Variants in RPS6KC1 observed in about 807,000 individuals in gnomAD.
The protein encoded by RPS6KC1 is inactive ribosomal protein S6 kinase delta-1.
A neutral mutation model predicts 103.8 loss-of-function variants in RPS6KC1; 54 were observed. The ratio of observed to expected loss-of-function variants is 0.52; its 90% confidence interval spans 0.42 to 0.65. The LOEUF is 0.65. RPS6KC1 is among the 30% of genes least tolerant of loss of function. The probability of loss-of-function intolerance (pLI) is 0.00; values close to 1 mark genes in which losing one functional copy is unlikely to be tolerated. For missense variants in RPS6KC1, 1,151 were observed against 1,253.8 expected, an observed-to-expected ratio of 0.92 and a Z score of 1.24; for synonymous variants, 439 against 438.7, an observed-to-expected ratio of 1.00 and a Z score of -0.01.
At chr1:213,073,057 A>G (rs1043566292) in intron 2 of RPS6KC1, 1 of 214,218 alleles carries the variant, frequency 4.7e-6, no homozygotes, top group Non-Finnish European at 8.0e-6. Flanking sequence ...AAAGTTTTCT[A>G]TTTAGTTGGC....
intron 4 of RPS6KC1, among the ~76,000 whole-genome samples, chr1:213,109,167 C>T (rs976634964): frequency 5.3e-5 from 8 of 152,132 alleles, no homozygotes; most frequent in East Asian, 1.9e-4. Context: ...GACGGGGTCT[C>T]GCTCTGTTGC....
At position 213,051,519 on chromosome 1, in the gene RPS6KC1, G is replaced by A; in HGVS notation, c.105+10G>A. ...TAAGGTCACCGCCCGGGTGAGTGCC[G>A]GTGTCGGGCTGGGGTAGAGCTTGGA... On this transcript the variant is annotated intron_variant, in intron 1 of 14. Transcript: ENST00000366960. 4 of 1,590,068 alleles carry A rather than the reference G, an allele frequency of 2.5e-6. No individual in the cohort carries two copies. The highest frequency in any genetic ancestry group is 3.4e-6 in the Non-Finnish European group (4 of 1,161,610).
At chr1:213,122,477 T>A (rs866427461) in intron 5 of RPS6KC1, among the ~76,000 whole-genome samples, 59 of 152,332 alleles carry the variant, frequency 3.9e-4, no homozygotes, top group Middle Eastern at 6.8e-3. Context: ...TAAATAGGAA[T>A]ATTTGTCACA....
the RPS6KC1 span, among the ~76,000 whole-genome samples, chr1:213,659,942 T>C: frequency 2.0e-5 from 3 of 152,204 alleles, no homozygotes; most frequent in Non-Finnish European, 4.4e-5. Flanking sequence ...AACTTATTCC[T>C]TTAAGGTCAG....
the RPS6KC1 span, among the ~76,000 whole-genome samples, chr1:213,699,586 G>C: frequency 6.6e-6 from 1 of 152,120 alleles, no homozygotes; most frequent in African/African-American, 2.4e-5. Context: ...CAGTGGGATT[G>C]CTGGATCAAA....
rs971828819 is a variant in RPS6KC1 at position 213,144,871 on chromosome 1, T to A, written c.835+14982T>A. Reference sequence around the variant, plus strand: ...GCAGGCGGATCACGAGGTCAGGAGATCGAGACCATCCTGGCCAACATGGTG... The same window carrying A: ...GCAGGCGGATCACGAGGTCAGGAGAACGAGACCATCCTGGCCAACATGGTG... On this transcript the variant is annotated intron_variant, in intron 6 of 14. Coordinates refer to ENST00000366960, the MANE Select transcript of RPS6KC1 (RefSeq NM_012424.6). Among the ~76,000 whole-genome samples the A allele has an allele frequency of 4.0e-5, 6 of 151,868 alleles. 1 individual carries two copies. The highest frequency in any genetic ancestry group is 1.3e-4 in the Admixed American group (2 of 15,160).
At chr1:213,127,677 A>G (rs2085133861) in intron 5 of RPS6KC1, among the ~76,000 whole-genome samples, 1 of 152,202 alleles carries the variant, frequency 6.6e-6, no homozygotes, top group South Asian at 2.1e-4. Context: ...TTTGTTGCCA[A>G]TCATAAAATT....
At chr1:213,193,146 G>A (rs777585968) in intron 8 of RPS6KC1, among the ~76,000 whole-genome samples, 22 of 151,612 alleles carry the variant, frequency 1.5e-4, no homozygotes, top group South Asian at 4.1e-4. Flanking sequence ...AATGATCCAC[G>A]TGCTGAGGCA....
At chr1:213,827,207 C>A in the RPS6KC1 span, among the ~76,000 whole-genome samples, 1 of 152,124 alleles carries the variant, frequency 6.6e-6, no homozygotes, top group African/African-American at 2.4e-5. Flanking sequence ...ACAGTCAAAG[C>A]CTGCTGAAGC....
chr1:213,814,946 C>T, the RPS6KC1 span, among the ~76,000 whole-genome samples: 3 of 152,118 alleles, frequency 2.0e-5, no homozygotes, highest in Admixed American at 2.0e-4. Context: ...TCTTATCACT[C>T]CAAGTTATTA....
the RPS6KC1 span, among the ~76,000 whole-genome samples, chr1:213,508,723 A>G: frequency 6.6e-6 from 1 of 152,232 alleles, no homozygotes; most frequent in Non-Finnish European, 1.5e-5. Flanking sequence ...AGGAATCATT[A>G]TCTGGTCAAA....
the RPS6KC1 span, among the ~76,000 whole-genome samples, chr1:213,410,834 TA>T: frequency 4.0e-3 from 513 of 129,048 alleles, 1 homozygote; most frequent in African/African-American, 0.013. Flanking sequence ...TTTTTTTTTT[TA>T]AAAAAGGGAA....
At chr1:213,171,438 A>G (rs2091469580) in intron 7 of RPS6KC1, among the ~76,000 whole-genome samples, 2 of 152,124 alleles carry the variant, frequency 1.3e-5, no homozygotes, top group Admixed American at 1.3e-4. Context: ...AAAGATTTAG[A>G]ATAGTTTTTT....
chr1:213,755,950 T>G, the RPS6KC1 span, among the ~76,000 whole-genome samples: 1 of 152,176 alleles, frequency 6.6e-6, no homozygotes, highest in South Asian at 2.1e-4. Context: ...GAAGCAAACT[T>G]AGGCTTCCTC....
At chr1:213,052,521 A>G (rs566377973) in intron 1 of RPS6KC1, among the ~76,000 whole-genome samples, 1 of 152,268 alleles carries the variant, frequency 6.6e-6, no homozygotes, top group East Asian at 1.9e-4. Flanking sequence ...CATTTGGAGG[A>G]TGTAAAGCAG....
At chr1:213,071,798 A>G (rs960779210) in intron 2 of RPS6KC1, among the ~76,000 whole-genome samples, 2 of 150,472 alleles carry the variant, frequency 1.3e-5, no homozygotes, top group Non-Finnish European at 2.9e-5. Flanking sequence ...TGCTTTAGGC[A>G]TAGATATTTC....
chr1:213,341,374 G>T, the RPS6KC1 span, among the ~76,000 whole-genome samples: 3 of 152,186 alleles, frequency 2.0e-5, no homozygotes, highest in Non-Finnish European at 4.4e-5. Flanking sequence ...TTCAGCTACT[G>T]CCCTACTTAT....
At chr1:213,079,212 C>T (rs2148544174) in intron 3 of RPS6KC1, among the ~76,000 whole-genome samples, 1 of 151,982 alleles carries the variant, frequency 6.6e-6, no homozygotes, top group Non-Finnish European at 1.5e-5. Context: ...TGGTATATTA[C>T]TTTTGGCCTT....
the RPS6KC1 span, among the ~76,000 whole-genome samples, chr1:213,465,353 T>C: frequency 6.6e-6 from 1 of 152,214 alleles, no homozygotes; most frequent in East Asian, 1.9e-4. Flanking sequence ...ACATTTTTTC[T>C]GCATGCACAG....
Sources: allele counts gnomAD v4.1 joint callset (sites outside exome capture counted in the v4.1 genomes callset), GRCh38; gene constraint gnomAD v4.1.1; transcripts MANE v1.5; gene names NCBI Gene and HGNC (gene_info 2026-07-23, HGNC 2026-07-21).